The following ARHGAP23 variants were observed in gnomAD, a reference collection of about 807,000 sequenced individuals.
ARHGAP23 encodes the protein rho GTPase-activating protein 23.
ARHGAP23 carries 34 observed loss-of-function variants against 136.3 expected under a neutral mutation model. That is an observed-to-expected ratio of 0.25 (90% CI 0.19 to 0.33). The LOEUF (loss-of-function observed/expected upper bound fraction) is 0.33, where lower values mean the gene tolerates loss of function less well. Among genes scored for constraint, ARHGAP23 ranks in the 10% least tolerant of loss-of-function variants. ARHGAP23 has a pLI of 1.00. For missense variants in ARHGAP23, 1,808 were observed against 2,139.0 expected (o/e 0.85, Z 3.05); for synonymous variants, 832 against 920.5 (o/e 0.90, Z 1.74).
upstream of ARHGAP23, among the ~76,000 whole-genome samples, chr17:38,425,717 A>G (rs1021509821): frequency 6.6e-6 from 1 of 152,152 alleles, no homozygotes; most frequent in African/African-American, 2.4e-5. Context: ...GCTGGGGCGG[A>G]TGGCAGGATG....
rs1437601624 is a variant in ARHGAP23 at position 38,511,729 on chromosome 17, CCAGA to C, written c.*761_*764del. ...TTAACCACGGGCAGCTGCCTGTTCCCCAGACAGTTTTTGGTGGGGGGGGTCCAGG... is the reference window on the plus strand; with the variant it reads ...TTAACCACGGGCAGCTGCCTGTTCCCCAGTTTTTGGTGGGGGGGGTCCAGG... On this transcript the variant is annotated 3_prime_UTR_variant, in exon 24 of 24. Transcript: ENST00000622683. 4 of 152,162 alleles carry C rather than the reference CCAGA, an allele frequency of 2.6e-5. No individual in the cohort carries two copies. Among genetic ancestry groups the C allele is most frequent in the South Asian group, 4.2e-4 (2 of 4,812 alleles). The allele number at this position is 152,162 out of a possible 1,614,324, so 9.4% of individuals were successfully genotyped here.
intron 20 of ARHGAP23, among the ~76,000 whole-genome samples, chr17:38,495,119 C>T (rs923957841): frequency 1.3e-5 from 2 of 152,160 alleles, no homozygotes; most frequent in African/African-American, 2.4e-5. Context: ...GAGGTACTCA[C>T]ATCATGCCCA....
chr17:38,428,680 C>T, intron 1 of ARHGAP23, 132 bp downstream of exon 1: 1 of 547,404 alleles, frequency 1.8e-6, no homozygotes. Context: ...ACCGCGGGCA[C>T]CGCTGCGGGG....
At chr17:38,439,857 C>G (rs754154475) in intron 1 of ARHGAP23, among the ~76,000 whole-genome samples, 5 of 151,804 alleles carry the variant, frequency 3.3e-5, no homozygotes, top group Non-Finnish European at 7.4e-5. Context: ...TCACTTCAAC[C>G]TCCAACTCAC....
chr17:38,446,317 G>GC (rs1280409233), intron 1 of ARHGAP23, among the ~76,000 whole-genome samples: 1 of 150,792 alleles, frequency 6.6e-6, no homozygotes, highest in Non-Finnish European at 1.5e-5. Flanking sequence ...AAGCCACCCC[G>GC]CCTGGCCTTC....
chr17:38,479,843 A>T lies in ARHGAP23; in HGVS notation c.2589A>T (p.Ala863=), dbSNP rs1401652544. Residue 863 remains alanine (A), a synonymous_variant, in exon 14 of 24, where the codon GCA becomes GCT. Coordinates refer to ENST00000622683, the MANE Select transcript of ARHGAP23 (RefSeq NM_001199417.2). The part of the protein sequence containing the change: ...LKSEFLKQSA[A]RGLRTQDLPA... The stretch of plus-strand genomic sequence containing the variant: ...CTGAGTTCCTCAAGCAGAGTGCGGC[A>T]CGTGGCCTCAGGACTCAGGACCTGC... 2 of 1,544,522 alleles carry T rather than the reference A, an allele frequency of 1.3e-6. No individual in the cohort carries two copies.
At position 38,511,491 on chromosome 17, in the gene ARHGAP23, A is replaced by G. The variant is rs1444488951; in HGVS notation, c.*519A>G. ...GCTTGTGTGTGCAGTCATTGTCCCAAGGTGTTTCCAGTAGCGACTTCTGTC... is the reference window on the plus strand; with the variant it reads ...GCTTGTGTGTGCAGTCATTGTCCCAGGGTGTTTCCAGTAGCGACTTCTGTC... On this transcript the variant is annotated 3_prime_UTR_variant, in exon 24 of 24. Transcript: ENST00000622683. 6.5e-6 allele frequency: 1 copy of G among 152,836 alleles called. No individual in the cohort carries two copies. Among genetic ancestry groups the G allele is most frequent in the African/African-American group, 2.4e-5 (1 of 41,340 alleles). The allele number at this position is 152,836 out of a possible 1,614,324, so 9.5% of individuals were successfully genotyped here.
chr17:38,455,321 T>C (rs1485602703), intron 1 of ARHGAP23, among the ~76,000 whole-genome samples: 1 of 152,064 alleles, frequency 6.6e-6, no homozygotes, highest in Non-Finnish European at 1.5e-5. Context: ...GGCTGTGTGG[T>C]AGCTGACATT....
intron 6 of ARHGAP23, among the ~76,000 whole-genome samples, chr17:38,464,619 C>T (rs922920587): frequency 2.4e-4 from 37 of 152,318 alleles, no homozygotes; most frequent in African/African-American, 8.2e-4. Context: ...ACTGCTTACC[C>T]CAAGTCTCAA....
At position 38,495,392 on chromosome 17, in the gene ARHGAP23, C is replaced by T. The variant is rs1035348900; in HGVS notation, c.3277-2393C>T. 1.5e-4 allele frequency among the ~76,000 whole-genome samples: 23 copies of T among 152,116 alleles called. No homozygotes were observed. The East Asian group carries it at 1.9e-3, about 13-fold the overall frequency. ...GGATTATGGGTGCATGCCACCATGC[C>T]GGGCTAATTTTTGTATTTTTAGTAG... is the stretch of plus-strand genomic sequence containing the variant. On this transcript the variant is annotated intron_variant, in intron 20 of 23. Coordinates refer to ENST00000622683, the MANE Select transcript of ARHGAP23 (RefSeq NM_001199417.2).
intron 1 of ARHGAP23, among the ~76,000 whole-genome samples, chr17:38,429,314 C>T (rs980301845): frequency 3.9e-5 from 6 of 152,248 alleles, no homozygotes; most frequent in African/African-American, 1.4e-4. Context: ...CCAGCCCCAT[C>T]CCCCCATCAG....
At chr17:38,443,794 G>A (rs2038971168) in intron 1 of ARHGAP23, among the ~76,000 whole-genome samples, 1 of 152,154 alleles carries the variant, frequency 6.6e-6, no homozygotes, top group African/African-American at 2.4e-5. Context: ...TGCCCTGGGA[G>A]GGGACATGGT....
chr17:38,426,583 A>G (rs1049689484), upstream of ARHGAP23, among the ~76,000 whole-genome samples: 1 of 149,910 alleles, frequency 6.7e-6, no homozygotes, highest in Non-Finnish European at 1.5e-5. Flanking sequence ...TCCAGGCAGT[A>G]TGACAGATTA....
chr17:38,497,753 G>C (rs34746022), intron 20 of ARHGAP23, 32 bp from the exon 21 acceptor site: 144,040 of 1,546,250 alleles, frequency 0.093, 8,310 homozygotes, highest in African/African-American at 0.26. Context: ...TTCCCATGCT[G>C]ATTTCATCCC....
In ARHGAP23 at chr17:38,469,213, C is replaced by T. The variant is rs1223511895; in HGVS notation, c.1718C>T (p.Ala573Val). The change falls in exon 8 of 24, where the codon GCC becomes GTC. Residue 573 changes from alanine (A) to valine (V), a missense_variant. By Grantham distance (64) the Ala-to-Val change is moderately conservative. Transcript: ENST00000622683. ...CCTGCCTCTGCTGTGGTCTCCAGTG[C>T]CATGAACTCAGCCCCTGTCCTGGGC... is the stretch of plus-strand genomic sequence containing the variant. ...HVPASAVVSS[A>V]MNSAPVLGTS... 1 of 1,551,692 alleles carries T rather than the reference C, an allele frequency of 6.4e-7. No homozygotes were observed. The highest frequency in any genetic ancestry group is 8.7e-7 in the Non-Finnish European group (1 of 1,146,864).
intron 17 of ARHGAP23, among the ~76,000 whole-genome samples, chr17:38,487,412 G>A (rs896737251): frequency 2.0e-5 from 3 of 152,164 alleles, no homozygotes; most frequent in African/African-American, 4.8e-5. Flanking sequence ...TGCTCTCTAA[G>A]GAGATTCTTA....
At chr17:38,434,504 G>A (rs2038751583) in intron 1 of ARHGAP23, among the ~76,000 whole-genome samples, 1 of 152,228 alleles carries the variant, frequency 6.6e-6, no homozygotes, top group Non-Finnish European at 1.5e-5. Flanking sequence ...GGGGATGACT[G>A]AGACCCAAGG....
intron 1 of ARHGAP23, among the ~76,000 whole-genome samples, chr17:38,441,658 G>A (rs2038923123): frequency 6.6e-6 from 1 of 152,194 alleles, no homozygotes. Context: ...GTGGCACCAT[G>A]GCAGATTCCT....
chr17:38,456,222 C>T (rs1278351038), intron 1 of ARHGAP23, among the ~76,000 whole-genome samples: 1 of 152,154 alleles, frequency 6.6e-6, no homozygotes, highest in Non-Finnish European at 1.5e-5. Flanking sequence ...AGGATCTAGC[C>T]TCTTCCCCAG....
Sources: gnomAD v4.1 joint callset for allele counts (sites outside exome capture counted in the v4.1 genomes callset) on GRCh38, gnomAD v4.1.1 for gene constraint, MANE v1.5 for transcripts, NCBI Gene and HGNC (gene_info 2026-07-23, HGNC 2026-07-21) for gene names.